Variants in GSE1 observed in about 807,000 individuals in gnomAD.
The protein encoded by GSE1 is Gse1 coiled-coil protein.
GSE1 carries 32 observed loss-of-function variants against 112.6 expected under a neutral mutation model. The observed-to-expected ratio is 0.28, with a 90% CI of 0.21 to 0.38. GSE1 has a LOEUF of 0.38. Among genes scored for constraint, GSE1 ranks in the 10% least tolerant of loss-of-function variants. GSE1 has a pLI of 1.00. For missense variants in GSE1, 2,348 were observed against 1,699.2 expected (o/e 1.38, Z -6.71); for synonymous variants, 1,115 against 735.6 (o/e 1.52, Z -8.35).
At chr16:85,612,460 C>A (rs1429411483), upstream of GSE1, among the ~76,000 whole-genome samples, 1 of 152,114 alleles carries the variant, frequency 6.6e-6, no homozygotes, top group Non-Finnish European at 1.5e-5. Flanking sequence ...TTTCTGGAGG[C>A]GGGCGACCTC....
intron 1 of GSE1, among the ~76,000 whole-genome samples, chr16:85,250,777 A>C (rs979055394): frequency 2.0e-5 from 3 of 151,982 alleles, no homozygotes; most frequent in African/African-American, 7.3e-5. Flanking sequence ...ATTCTAGACT[A>C]TTTCCACCAC....
rs1598744602 is a variant in GSE1 at position 85,673,774 on chromosome 16, A to C, written c.*1235A>C. ...GGGTAGTCTGTAGAACCCATGTGTGACAGTCATGTGCACACATGGGCGGGG... is the reference window on the plus strand; with the variant it reads ...GGGTAGTCTGTAGAACCCATGTGTGCCAGTCATGTGCACACATGGGCGGGG... On this transcript the variant is annotated 3_prime_UTR_variant, in exon 16 of 16. Coordinates refer to ENST00000253458, the MANE Select transcript of GSE1 (RefSeq NM_014615.5). The C allele has an allele frequency of 1.3e-5, 2 of 152,234 alleles. No individual in the cohort carries two copies. The highest frequency in any genetic ancestry group is 3.9e-4 in the East Asian group (2 of 5,192). 9.4% of individuals were successfully genotyped at this position (152,234 alleles called of 1,614,324 possible). A position where few individuals can be genotyped will look rare whatever the true frequency, so the allele number is the denominator to read the frequency against.
chr16:85,208,898 G>A lies in GSE1; in HGVS notation c.2283+37091G>A, dbSNP rs146471413. 8.5e-3 allele frequency among the ~76,000 whole-genome samples: 871 copies of A among 101,996 alleles called. 7 individuals are homozygous for A. The highest frequency in any genetic ancestry group is 0.021 in the African/African-American group (609 of 29,678). 66.9% of individuals were successfully genotyped at this position (101,996 alleles called of 152,430 possible). A position where few individuals can be genotyped will look rare whatever the true frequency, so the allele number is the denominator to read the frequency against. On this transcript the variant is annotated intron_variant, in intron 1 of 2. Coordinates refer to the GSE1 transcript ENST00000637419. ...GGTTCACCACGTGTTGGGGTTTGCC[G>A]TGTGTTGGGGTTTGCCACGTGTCGG...
chr16:85,432,397 C>T lies in GSE1; in HGVS notation c.2464+74754C>T, dbSNP rs187223720. 7.2e-5 allele frequency among the ~76,000 whole-genome samples: 11 copies of T among 152,346 alleles called. No individual in the cohort carries two copies. In the East Asian group the frequency reaches 1.9e-3, roughly 27 times the overall value. ...TCAGTAGCGTTCACTTCACAGGCAA[C>T]GAGAGACTGGGTGGGAAGAGGGAGA... On this transcript the variant is annotated intron_variant, in intron 2 of 2. Coordinates refer to the GSE1 transcript ENST00000637419.
chr16:85,428,220 G>T (rs2049036264), intron 2 of GSE1, among the ~76,000 whole-genome samples: 1 of 152,230 alleles, frequency 6.6e-6, no homozygotes, highest in African/African-American at 2.4e-5. Context: ...CAGGCTGAGG[G>T]CCCGAGACAA....
chr16:85,606,914 C>CCT (rs2047729362), upstream of GSE1, among the ~76,000 whole-genome samples: 2 of 152,356 alleles, frequency 1.3e-5, no homozygotes, highest in African/African-American at 4.8e-5. Flanking sequence ...CCTTCCCCTG[C>CCT]CTCGGCCTGG....
intron 1 of GSE1, among the ~76,000 whole-genome samples, chr16:85,588,362 G>A (rs966297849): frequency 1.1e-4 from 16 of 152,224 alleles, no homozygotes; most frequent in African/African-American, 3.9e-4. Context: ...CCCCGCTGCG[G>A]GCCTTGGGGG....
intron 2 of GSE1, among the ~76,000 whole-genome samples, chr16:85,466,699 T>G (rs1038422): frequency 0.6 from 72,417 of 121,112 alleles, 19,155 homozygotes; most frequent in Non-Finnish European, 0.65. Flanking sequence ...AATATATATA[T>G]ATAGAGAGAG....
At chr16:85,453,014 TC>T (rs2049729012) in intron 2 of GSE1, among the ~76,000 whole-genome samples, 1 of 152,148 alleles carries the variant, frequency 6.6e-6, no homozygotes, top group South Asian at 2.1e-4. Flanking sequence ...TGGTTTTCTG[TC>T]CCCGACGCTG....
chr16:85,330,311 G>A (rs1448099926), intron 1 of GSE1, among the ~76,000 whole-genome samples: 1 of 152,234 alleles, frequency 6.6e-6, no homozygotes, highest in Non-Finnish European at 1.5e-5. Context: ...AGACCGAGGA[G>A]CTGGAGTGCT....
intron 2 of GSE1, among the ~76,000 whole-genome samples, chr16:85,636,139 G>A (rs1041676152): frequency 6.6e-6 from 1 of 152,234 alleles, no homozygotes; most frequent in Non-Finnish European, 1.5e-5. Context: ...CTGCAACCTG[G>A]GCACTGGGAA....
chr16:85,517,425 C>T (rs75749994), intron 2 of GSE1, among the ~76,000 whole-genome samples: 11,192 of 152,270 alleles, frequency 0.074, 459 homozygotes, highest in African/African-American at 0.095. Context: ...CCAGCAGACT[C>T]CTGGAGACAG....
At chr16:85,585,947 C>T (rs2046671568) in intron 1 of GSE1, among the ~76,000 whole-genome samples, 1 of 152,146 alleles carries the variant, frequency 6.6e-6, no homozygotes, top group African/African-American at 2.4e-5. Context: ...CTCTCTGTGC[C>T]TCAGTTCCCT....
chr16:85,237,624 G>A (rs28582520), intron 1 of GSE1, among the ~76,000 whole-genome samples: 12,696 of 151,974 alleles, frequency 0.084, 1,182 homozygotes, highest in African/African-American at 0.23. Context: ...AGATCACGCG[G>A]TCAGGAGATT....
At chr16:85,653,383 G>T (rs747012867) in intron 3 of GSE1, among the ~76,000 whole-genome samples, 7 of 140,118 alleles carry the variant, frequency 5.0e-5, no homozygotes, top group Non-Finnish European at 1.1e-4. Context: ...TGGTTTCTCC[G>T]GGCTGGACCC....
rs528014661 is a variant in GSE1 at position 85,241,372 on chromosome 16, G to T, written c.2283+69565G>T. 8.5e-5 allele frequency among the ~76,000 whole-genome samples: 13 copies of T among 152,342 alleles called. No individual in the cohort carries two copies. The South Asian group carries it at 2.7e-3, about 32-fold the overall frequency. ...TGTGCTTCCCTGTGCTACCTCCCAG[G>T]CCCTCTCTGTCTCTGCCCCACCTTT... On this transcript the variant is annotated intron_variant, in intron 1 of 2. Coordinates refer to the GSE1 transcript ENST00000637419.
chr16:85,646,894 G>T (rs1447714999), intron 2 of GSE1, among the ~76,000 whole-genome samples: 2 of 79,864 alleles, frequency 2.5e-5, no homozygotes, highest in Non-Finnish European at 5.7e-5. Flanking sequence ...CCACAACAAG[G>T]GGGGGGGTGG....
intron 1 of GSE1, among the ~76,000 whole-genome samples, chr16:85,328,950 G>C (rs1379346876): frequency 1.3e-5 from 2 of 152,248 alleles, no homozygotes; most frequent in Non-Finnish European, 2.9e-5. Flanking sequence ...CAGGGTGGCT[G>C]ATGCCCCTCC....
At chr16:85,614,258 G>A (rs941636283) in intron 1 of GSE1, among the ~76,000 whole-genome samples, 1 of 152,294 alleles carries the variant, frequency 6.6e-6, no homozygotes, top group East Asian at 1.9e-4. Flanking sequence ...GCTGATGGGC[G>A]GCGAGTGGCC....
Sources: allele counts gnomAD v4.1 joint callset (sites outside exome capture counted in the v4.1 genomes callset), GRCh38; gene constraint gnomAD v4.1.1; transcripts MANE v1.5; gene names NCBI Gene and HGNC (gene_info 2026-07-23, HGNC 2026-07-21).